PTPRD: variants seen among roughly 807,000 people sequenced by gnomAD.
PTPRD encodes the protein receptor-type tyrosine-protein phosphatase delta.
In PTPRD, 34 loss-of-function variants were observed where a neutral mutation model predicts 214.5. The observed-to-expected ratio is 0.16, with a 90% CI of 0.12 to 0.21. The LOEUF is 0.21. Among genes scored for constraint, PTPRD ranks in the 10% least tolerant of loss-of-function variants. The pLI is 1.00. For missense variants in PTPRD, 2,545 were observed against 2,398.7 expected, an observed-to-expected ratio of 1.06 and a Z score of -1.27; for synonymous variants, 1,128 against 845.7, an observed-to-expected ratio of 1.33 and a Z score of -5.79.
intron 43 of PTPRD, among the ~76,000 whole-genome samples, chr9:8,336,628 C>CAA (rs764320816): frequency 0.1 from 11,741 of 114,210 alleles, 337 homozygotes; most frequent in African/African-American, 0.13. Flanking sequence ...TTCTGCAGAG[C>CAA]AAAAAAAAAA....
At chr9:9,275,182 TG>T (rs1944978016) in intron 9 of PTPRD, among the ~76,000 whole-genome samples, 6 of 22,068 alleles carry the variant, frequency 2.7e-4, no homozygotes, top group African/African-American at 1.1e-3. Context: ...ATAATATATA[TG>T]TTATATATAT....
chr9:10,271,558 T>TTTAGACGGAATC, intron 3 of PTPRD, among the ~76,000 whole-genome samples: 1 of 140,802 alleles, frequency 7.1e-6, no homozygotes. Flanking sequence ...TCTTTTTTTT[T>TTTAGACGGAATC]TTGAGACGGA....
intron 8 of PTPRD, among the ~76,000 whole-genome samples, chr9:9,543,393 A>G (rs764201166): frequency 6.6e-6 from 1 of 151,682 alleles, no homozygotes; most frequent in Admixed American, 6.6e-5. Flanking sequence ...TTCCAAAGGT[A>G]TAAGGTATAA....
intron 8 of PTPRD, among the ~76,000 whole-genome samples, chr9:9,552,013 A>G (rs1384661186): frequency 6.6e-6 from 1 of 152,032 alleles, no homozygotes; most frequent in Non-Finnish European, 1.5e-5. Context: ...GCAAAAGTAT[A>G]AAGACACATA....
intron 9 of PTPRD, among the ~76,000 whole-genome samples, chr9:9,191,687 G>C (rs1263954532): frequency 6.6e-6 from 1 of 151,986 alleles, no homozygotes; most frequent in African/African-American, 2.4e-5. Context: ...TTGCACCATT[G>C]AAATATGGTG....
At chr9:10,442,808 T>A (rs1404812523) in intron 2 of PTPRD, among the ~76,000 whole-genome samples, 1 of 151,486 alleles carries the variant, frequency 6.6e-6, no homozygotes. Context: ...TGGTCCTATT[T>A]TTGCTTGTTG....
chr9:9,421,132 C>T (rs1587936346), intron 8 of PTPRD, among the ~76,000 whole-genome samples: 3 of 152,036 alleles, frequency 2.0e-5, no homozygotes, highest in African/African-American at 7.2e-5. Context: ...GATGATGCTA[C>T]TTAGAGTTGT....
chr9:9,727,088 T>A (rs2098108816), intron 7 of PTPRD, among the ~76,000 whole-genome samples: 1 of 152,170 alleles, frequency 6.6e-6, no homozygotes, highest in Admixed American at 6.6e-5. Flanking sequence ...AATGTGTGCT[T>A]AATTAACCAC....
At chr9:9,411,414 G>T (rs1387506433) in intron 8 of PTPRD, among the ~76,000 whole-genome samples, 1 of 151,888 alleles carries the variant, frequency 6.6e-6, no homozygotes, top group African/African-American at 2.4e-5. Context: ...ATTTTCTGTG[G>T]GTTTGTGTGG....
intron 2 of PTPRD, among the ~76,000 whole-genome samples, chr9:10,567,549 A>G (rs2065995965): frequency 6.6e-6 from 1 of 152,264 alleles, no homozygotes; most frequent in East Asian, 1.9e-4. Flanking sequence ...GTGGGTGCTT[A>G]TAGCCCTACC....
intron 8 of PTPRD, among the ~76,000 whole-genome samples, chr9:9,573,213 T>G (rs540990782): frequency 1.6e-4 from 25 of 151,692 alleles, no homozygotes; most frequent in African/African-American, 5.3e-4. Flanking sequence ...AACATAATGT[T>G]GAGCAAAAGA....
chr9:8,834,960 C>A (rs2097381993), intron 11 of PTPRD, among the ~76,000 whole-genome samples: 1 of 152,190 alleles, frequency 6.6e-6, no homozygotes, highest in South Asian at 2.1e-4. Flanking sequence ...CACAGCATGG[C>A]TGGTGCTTTT....
intron 8 of PTPRD, among the ~76,000 whole-genome samples, chr9:9,489,183 G>GA (rs1308153283): frequency 6.6e-6 from 1 of 152,042 alleles, no homozygotes; most frequent in African/African-American, 2.4e-5. Flanking sequence ...CATAGGCGCA[G>GA]AAAAAATCTG....
chr9:9,589,268 T>C (rs568856583), intron 7 of PTPRD, among the ~76,000 whole-genome samples: 1 of 151,910 alleles, frequency 6.6e-6, no homozygotes, highest in Admixed American at 6.6e-5. Context: ...AAAATCCTCT[T>C]AAGGATTTTA....
intron 9 of PTPRD, among the ~76,000 whole-genome samples, chr9:9,328,210 C>T (rs1352173966): frequency 6.6e-6 from 1 of 152,026 alleles, no homozygotes. Context: ...ATTCTATTTA[C>T]CGGAGCTAAT....
At chr9:8,458,096 G>A (rs2134004484) in intron 33 of PTPRD, among the ~76,000 whole-genome samples, 1 of 152,152 alleles carries the variant, frequency 6.6e-6, no homozygotes, top group South Asian at 2.1e-4. Context: ...AATATACTTA[G>A]CATTCGAGGA....
chr9:8,981,673 A>G (rs956606891), intron 11 of PTPRD, among the ~76,000 whole-genome samples: 1 of 152,084 alleles, frequency 6.6e-6, no homozygotes, highest in East Asian at 1.9e-4. Flanking sequence ...GGCACACAGA[A>G]TTCCATTTCT....
At chr9:8,825,892 G>T (rs1601046600) in intron 11 of PTPRD, among the ~76,000 whole-genome samples, 1 of 152,140 alleles carries the variant, frequency 6.6e-6, no homozygotes, top group Non-Finnish European at 1.5e-5. Flanking sequence ...CACAATTGTT[G>T]CCATTTTGGT....
intron 10 of PTPRD, among the ~76,000 whole-genome samples, chr9:9,081,005 T>C (rs2099758241): frequency 1.3e-5 from 2 of 152,110 alleles, no homozygotes; most frequent in Non-Finnish European, 2.9e-5. Context: ...TCAGTTCTGC[T>C]TTGATCTTAG....
Sources: allele counts gnomAD v4.1 joint callset (sites outside exome capture counted in the v4.1 genomes callset), GRCh38; gene constraint gnomAD v4.1.1; transcripts MANE v1.5; gene names NCBI Gene and HGNC (gene_info 2026-07-23, HGNC 2026-07-21).